CLDN2: variants seen among roughly 807,000 people sequenced by gnomAD.
The protein encoded by CLDN2 is claudin 2.
In CLDN2, 1 loss-of-function variant was observed where a neutral mutation model predicts 8.2. The observed-to-expected ratio is 0.12, with a 90% CI of 0.04 to 0.58. The LOEUF (loss-of-function observed/expected upper bound fraction) is 0.58. CLDN2 is among the 20% of genes least tolerant of loss of function. CLDN2 has a pLI of 0.90. For missense variants in CLDN2, 108 were observed against 172.9 expected, an observed-to-expected ratio of 0.62 and a Z score of 2.11; for synonymous variants, 70 against 70.2, an observed-to-expected ratio of 1.00 and a Z score of 0.01.
At chrX:106,925,936 G>T (rs1017369941) in intron 1 of CLDN2, among the ~76,000 whole-genome samples, 1 of 112,091 alleles carries the variant, frequency 8.9e-6, no homozygotes, top group East Asian at 2.8e-4. Context: ...AACCTGGGAG[G>T]TGGAGATTGC....
Position 106,928,998 on chromosome X carries a change from G to C in CLDN2, c.*77G>C. On this transcript the variant is annotated 3_prime_UTR_variant, in exon 2 of 2. Transcript: ENST00000336803. The stretch of plus-strand genomic sequence containing the variant: ...CAGCACCCCGAGGGCCACAGGTGAG[G>C]GACACTACCACTGGATCGTGTCAGA... 1 of 856,408 alleles carries C rather than the reference G, an allele frequency of 1.2e-6. No individual in the cohort carries two copies. The highest frequency in any genetic ancestry group is 1.7e-6 in the Non-Finnish European group (1 of 593,737). 70.6% of individuals were successfully genotyped at this position (856,408 alleles called of 1,213,427 possible).
In CLDN2 at chrX:106,928,514, A is replaced by C; in HGVS notation, c.286A>C (p.Ile96Leu). 1 of 1,211,072 alleles carries C rather than the reference A, an allele frequency of 8.3e-7. No individual in the cohort carries two copies. The highest frequency in any genetic ancestry group is 1.1e-6 in the Non-Finnish European group (1 of 895,321). ...CAGTGCAATCTCCTCCCTGGCCTGC[A>C]TTATCTCTGTGGTGGGCATGAGATG... ...TSSAISSLACIISVVGMRCTV... is the reference protein window; with the variant it reads ...TSSAISSLACLISVVGMRCTV... The change falls in exon 2 of 2, where the codon ATT becomes CTT. Residue 96 changes from isoleucine to leucine, a missense_variant. By Grantham distance (5) the Ile-to-Leu change is conservative. Around this residue, in one of 2 missense-constraint regions of CLDN2, gnomAD observed 81 missense variants for 100.8 expected, o/e 0.80. Coordinates refer to ENST00000336803, the MANE Select transcript of CLDN2 (RefSeq NM_020384.4).
rs200233084 is a variant in CLDN2, at chrX:106,929,700, T to TG, written c.*781dup. The TG allele has an allele frequency of 0.01, 1,291 of 123,450 alleles. 6 individuals carry two copies. Among genetic ancestry groups the TG allele is most frequent in the Middle Eastern group, 0.018 (4 of 218 alleles). 10.2% of individuals were successfully genotyped at this position (123,450 alleles called of 1,213,427 possible). ...AAGCACAAGGAAAGGAAAGAAGATC[T>TG]GGTGGAAAGCTCAGGTGGCAGCGGA... is the stretch of plus-strand genomic sequence containing the variant. On this transcript the variant is annotated 3_prime_UTR_variant, in exon 2 of 2. Coordinates refer to ENST00000336803, the MANE Select transcript of CLDN2 (RefSeq NM_020384.4).
At chrX:106,911,305 C>T (rs776272120) in intron 1 of CLDN2, among the ~76,000 whole-genome samples, 1 of 112,142 alleles carries the variant, frequency 8.9e-6, no homozygotes, top group Admixed American at 9.4e-5. Context: ...GATTTGGCTT[C>T]CCAGAACATA....
chrX:106,903,196 A>G, intron 1 of CLDN2: 1 of 1,211,114 alleles, frequency 8.3e-7, no homozygotes, highest in Middle Eastern at 2.3e-4. Flanking sequence ...CAGGCCAGGG[A>G]GTGCCAGTGG....
chrX:106,918,736 A>G (rs1933348535), upstream of CLDN2, among the ~76,000 whole-genome samples: 1 of 111,683 alleles, frequency 9.0e-6, no homozygotes, highest in Admixed American at 9.5e-5. Context: ...TCATTTGTAC[A>G]TGGGAATCCT....
At chrX:106,901,859 G>A (rs1602451708) in intron 1 of CLDN2, among the ~76,000 whole-genome samples, 2 of 111,828 alleles carry the variant, frequency 1.8e-5, no homozygotes, top group Middle Eastern at 9.1e-3. Flanking sequence ...ACTGGAGTAA[G>A]GTGCCAGGAG....
chrX:106,917,226 C>T (rs185331677), upstream of CLDN2, among the ~76,000 whole-genome samples: 160 of 112,329 alleles, frequency 1.4e-3, 1 homozygote, highest in African/African-American at 5.0e-3. Context: ...GAGTGAGGAA[C>T]GAGGACTTAG....
intron 1 of CLDN2, among the ~76,000 whole-genome samples, chrX:106,921,565 C>A (rs973215826): frequency 8.9e-6 from 1 of 111,822 alleles, no homozygotes; most frequent in African/African-American, 3.3e-5. Flanking sequence ...AGCCTGGGAA[C>A]CCCAAGTGCC....
chrX:106,902,167 T>G lies in CLDN2; in HGVS notation c.-179+1663T>G, dbSNP rs773681851. 25 of 1,194,277 alleles carry G rather than the reference T, an allele frequency of 2.1e-5. No homozygotes were observed. In the South Asian group the frequency reaches 4.6e-4, roughly 22 times the overall value. ...AATCCACCAGCTTCCTCATCTGCCT[T>G]GGGGAGTCATTTGTGGAAGACAGCC... On this transcript the variant is annotated intron_variant, in intron 1 of 1. Transcript: ENST00000541806.
Position 106,928,602 on chromosome X carries a change from T to A in CLDN2, c.374T>A (p.Phe125Tyr). Residue 125 changes from phenylalanine to tyrosine, a missense_variant, in exon 2 of 2, where the codon TTC (phenylalanine) becomes TAC (tyrosine). Phe to Tyr is a conservative substitution (Grantham distance 22). Coordinates refer to ENST00000336803, the MANE Select transcript of CLDN2 (RefSeq NM_020384.4). ...GTGGCGGTAGCAGGTGGAGTCTTTT[T>A]CATCCTTGGAGGCCTCCTGGGATTC... is the stretch of plus-strand genomic sequence containing the variant. The part of the protein sequence containing the change: ...DRVAVAGGVF[F>Y]ILGGLLGFIP... 1 of 1,211,764 alleles carries A rather than the reference T, an allele frequency of 8.3e-7. No individual in the cohort carries two copies. The highest frequency in any genetic ancestry group is 1.1e-6 in the Non-Finnish European group (1 of 895,490).
chrX:106,930,362 G>C lies in CLDN2; in HGVS notation c.*1441G>C, dbSNP rs1304580367. 2 of 122,920 alleles carry C rather than the reference G, an allele frequency of 1.6e-5. No homozygotes were observed. Among genetic ancestry groups the C allele is most frequent in the Non-Finnish European group, 3.8e-5 (2 of 53,143 alleles). The allele number at this position is 122,920 out of a possible 1,213,427, so 10.1% of individuals were successfully genotyped here. A position where few individuals can be genotyped will look rare whatever the true frequency, so the allele number is the denominator to read the frequency against. Reference sequence around the variant, plus strand: ...AAATGTTCCCTTTACCCTGGAGTGGGAGTGAGGGGTCATACACCAAAGGTA... The same window carrying C: ...AAATGTTCCCTTTACCCTGGAGTGGCAGTGAGGGGTCATACACCAAAGGTA... On this transcript the variant is annotated 3_prime_UTR_variant, in exon 2 of 2. Transcript: ENST00000336803.
At chrX:106,924,985 A>G (rs914267689) in intron 1 of CLDN2, among the ~76,000 whole-genome samples, 2 of 110,831 alleles carry the variant, frequency 1.8e-5, no homozygotes, top group Admixed American at 9.7e-5. Flanking sequence ...TGCTCTGGAT[A>G]AAGCAGTATG....
upstream of CLDN2, among the ~76,000 whole-genome samples, chrX:106,914,383 G>A (rs753200719): frequency 2.7e-5 from 3 of 111,250 alleles, no homozygotes; most frequent in South Asian, 1.1e-3. Flanking sequence ...AAATTTATAG[G>A]CATGTGAGGG....
intron 1 of CLDN2, among the ~76,000 whole-genome samples, chrX:106,909,704 T>C (rs755605565): frequency 1.8e-5 from 2 of 112,423 alleles, no homozygotes; most frequent in African/African-American, 6.4e-5. Context: ...CTGGGGCCTC[T>C]GCCCTCAAGT....
chrX:106,910,685 C>A (rs1195316631), intron 1 of CLDN2, among the ~76,000 whole-genome samples: 4 of 107,693 alleles, frequency 3.7e-5, no homozygotes, highest in African/African-American at 1.4e-4. Flanking sequence ...ACACTCCAGC[C>A]TGGGCAGATA....
At chrX:106,903,222 T>G (rs1933131971) in intron 1 of CLDN2, 2 of 1,210,585 alleles carry the variant, frequency 1.7e-6, no homozygotes, top group East Asian at 5.9e-5. Flanking sequence ...GTGCTAGGTC[T>G]GGAGCTAGGG....
chrX:106,910,770 C>A (rs1356903685), intron 1 of CLDN2, among the ~76,000 whole-genome samples: 1 of 110,458 alleles, frequency 9.1e-6, no homozygotes, highest in African/African-American at 3.3e-5. Flanking sequence ...AGAGATTAAG[C>A]AATTTACCCA....
At position 106,930,353 on chromosome X, in the gene CLDN2, C is replaced by T. The variant is rs1369382611; in HGVS notation, c.*1432C>T. 8.1e-6 allele frequency: 1 copy of T among 123,029 alleles called. No individual in the cohort carries two copies. The highest frequency in any genetic ancestry group is 1.9e-5 in the Non-Finnish European group (1 of 53,167). The allele number at this position is 123,029 out of a possible 1,213,427, so 10.1% of individuals were successfully genotyped here. A position where few individuals can be genotyped will look rare whatever the true frequency, so the allele number is the denominator to read the frequency against. On this transcript the variant is annotated 3_prime_UTR_variant, in exon 2 of 2. Transcript: ENST00000336803. Reference sequence around the variant, plus strand: ...AAGGTCCGAAAATGTTCCCTTTACCCTGGAGTGGGAGTGAGGGGTCATACA... The same window carrying T: ...AAGGTCCGAAAATGTTCCCTTTACCTTGGAGTGGGAGTGAGGGGTCATACA...
Sources: gnomAD v4.1 joint callset for allele counts (sites outside exome capture counted in the v4.1 genomes callset) on GRCh38, gnomAD v4.1.1 for gene constraint, gnomAD v4.1.1 regional missense constraint, MANE v1.5 for transcripts, NCBI Gene and HGNC (gene_info 2026-07-23, HGNC 2026-07-21) for gene names.